The following SOX5 variants were observed in gnomAD, a reference collection of about 807,000 sequenced individuals.
SOX5 encodes SRY-box transcription factor 5.
A neutral mutation model predicts 92.0 loss-of-function variants in SOX5; 9 were observed. The ratio of observed to expected loss-of-function variants is 0.10; its 90% CI spans 0.06 to 0.17. The LOEUF (loss-of-function observed/expected upper bound fraction) is 0.17. SOX5 is among the 10% of genes least tolerant of loss of function. The pLI is 1.00. For missense variants in SOX5, 642 were observed against 944.5 expected (o/e 0.68, Z 4.20); for synonymous variants, 344 against 336.3 (o/e 1.02, Z -0.25).
chr12:24,124,563 A>G (rs1948925851), intron 4 of SOX5, among the ~76,000 whole-genome samples: 1 of 19,000 alleles, frequency 5.3e-5, no homozygotes, highest in African/African-American at 9.4e-5. Context: ...GGAATGGGAC[A>G]AAAAAAAAAA....
At chr12:23,602,962 T>G (rs370545221) in intron 9 of SOX5, among the ~76,000 whole-genome samples, 1 of 152,084 alleles carries the variant, frequency 6.6e-6, no homozygotes, top group Non-Finnish European at 1.5e-5. Context: ...ACAACTGAAA[T>G]AGATCTTCAA....
At chr12:24,351,312 CATTGT>C (rs1954057898) in intron 2 of SOX5, among the ~76,000 whole-genome samples, 1 of 152,134 alleles carries the variant, frequency 6.6e-6, no homozygotes, top group Admixed American at 6.5e-5. Flanking sequence ...TCTTGTAGAC[CATTGT>C]ATTCCCAGCC....
At chr12:23,690,206 T>C (rs1002155413) in intron 6 of SOX5, among the ~76,000 whole-genome samples, 1 of 152,200 alleles carries the variant, frequency 6.6e-6, no homozygotes, top group Non-Finnish European at 1.5e-5. Flanking sequence ...ATTATTTCAT[T>C]CATCACATTA....
intron 1 of SOX5, among the ~76,000 whole-genome samples, chr12:24,535,283 T>C (rs988205190): frequency 6.6e-5 from 10 of 152,206 alleles, no homozygotes; most frequent in Admixed American, 5.9e-4. Context: ...CTCACCCACA[T>C]AGGCAGAAAT....
intron 4 of SOX5, among the ~76,000 whole-genome samples, chr12:24,057,741 C>T (rs973326518): frequency 6.6e-6 from 1 of 152,008 alleles, no homozygotes; most frequent in African/African-American, 2.4e-5. Flanking sequence ...ACTATAAATA[C>T]ATTTTTTTTC....
At chr12:24,158,586 A>T (rs1370333974) in intron 4 of SOX5, among the ~76,000 whole-genome samples, 2 of 151,962 alleles carry the variant, frequency 1.3e-5, no homozygotes, top group African/African-American at 4.8e-5. Flanking sequence ...CATACTTTCA[A>T]ATGGGGTTTG....
At chr12:24,400,649 C>G (rs1247399687) in intron 1 of SOX5, among the ~76,000 whole-genome samples, 2 of 152,166 alleles carry the variant, frequency 1.3e-5, no homozygotes, top group Admixed American at 6.5e-5. Flanking sequence ...GTCTCCTTAT[C>G]TAAATAGACA....
chr12:23,693,622 T>C (rs1214726431), intron 6 of SOX5, among the ~76,000 whole-genome samples: 2 of 152,176 alleles, frequency 1.3e-5, no homozygotes, highest in Non-Finnish European at 2.9e-5. Context: ...TGTGTTTTGT[T>C]TTCTCTCCTG....
intron 6 of SOX5, among the ~76,000 whole-genome samples, chr12:23,677,590 C>G (rs191268045): frequency 3.5e-4 from 54 of 152,222 alleles, no homozygotes; most frequent in Admixed American, 1.6e-3. Flanking sequence ...AAAACAAAAC[C>G]TTTTTATTAA....
At chr12:23,939,265 A>T (rs530291794) in intron 1 of SOX5, among the ~76,000 whole-genome samples, 3 of 151,240 alleles carry the variant, frequency 2.0e-5, no homozygotes, top group African/African-American at 7.2e-5. Context: ...TAAGTTGCCC[A>T]ACTGGATGAT....
chr12:24,390,251 A>G (rs1044294852), intron 1 of SOX5, among the ~76,000 whole-genome samples: 1 of 152,172 alleles, frequency 6.6e-6, no homozygotes, highest in Non-Finnish European at 1.5e-5. Context: ...GATACATTTT[A>G]CTGGGTGATT....
chr12:23,848,014 C>T (rs900217492), intron 2 of SOX5, among the ~76,000 whole-genome samples: 3 of 152,122 alleles, frequency 2.0e-5, no homozygotes, highest in Admixed American at 2.0e-4. Flanking sequence ...TGGTCCATAA[C>T]ACACATTAGC....
chr12:24,142,682 A>T (rs1161649524), intron 4 of SOX5, among the ~76,000 whole-genome samples: 2 of 151,978 alleles, frequency 1.3e-5, no homozygotes, highest in African/African-American at 2.4e-5. Flanking sequence ...ATCCCCAAGA[A>T]CCAGAATACA....
At chr12:23,833,128 G>A (rs144792546) in intron 3 of SOX5, among the ~76,000 whole-genome samples, 148 of 152,052 alleles carry the variant, frequency 9.7e-4, no homozygotes, top group African/African-American at 3.3e-3. Flanking sequence ...CAATTTCCAG[G>A]ATCTATAAAG....
intron 4 of SOX5, among the ~76,000 whole-genome samples, chr12:24,116,270 C>T (rs1449037890): frequency 6.6e-6 from 1 of 151,882 alleles, no homozygotes; most frequent in Admixed American, 6.6e-5. Context: ...AAACTGTTCT[C>T]AAAATAATAT....
At chr12:23,832,719 AATT>A (rs2096348249) in intron 3 of SOX5, among the ~76,000 whole-genome samples, 1 of 151,888 alleles carries the variant, frequency 6.6e-6, no homozygotes, top group South Asian at 2.1e-4. Context: ...ATATTAATAC[AATT>A]ATTATAGCAA....
chr12:23,573,303 C>G (rs907041367), intron 10 of SOX5, among the ~76,000 whole-genome samples: 1 of 152,126 alleles, frequency 6.6e-6, no homozygotes, highest in African/African-American at 2.4e-5. Flanking sequence ...AACTTTATTT[C>G]TTCATATTCT....
In SOX5 at chr12:23,674,336, A is replaced by ATTTTTTTTTTTTTTTTTTT. The variant is rs34975795; in HGVS notation, c.811-8773_811-8772insAAAAAAAAAAAAAAAAAAA. Among the ~76,000 whole-genome samples, 92 of 97,372 alleles carry ATTTTTTTTTTTTTTTTTTT rather than the reference A, an allele frequency of 9.4e-4. 10 individuals carry two copies. The highest frequency in any genetic ancestry group is 2.0e-3 in the African/African-American group (47 of 23,628). The allele number at this position is 97,372 out of a possible 152,430, so 63.9% of individuals were successfully genotyped here. ...AAATATTTTCTTACCATAAAAAGGA[A>ATTTTTTTTTTTTTTTTTTT]TTTTTTTTTTTTTTTTTTGAGACGG... On this transcript the variant is annotated intron_variant, in intron 6 of 14. Coordinates refer to ENST00000451604, the MANE Select transcript of SOX5 (RefSeq NM_006940.6).
At chr12:23,586,079 C>G (rs557752552) in intron 9 of SOX5, among the ~76,000 whole-genome samples, 1 of 152,054 alleles carries the variant, frequency 6.6e-6, no homozygotes, top group Non-Finnish European at 1.5e-5. Flanking sequence ...CATGAGGAAG[C>G]GCGCTCTCTC....
Sources: allele counts gnomAD v4.1 joint callset (sites outside exome capture counted in the v4.1 genomes callset), GRCh38; gene constraint gnomAD v4.1.1; transcripts MANE v1.5; gene names NCBI Gene and HGNC (gene_info 2026-07-23, HGNC 2026-07-21).